The following OPCML variants were observed in gnomAD, a reference collection of about 807,000 sequenced individuals.
OPCML encodes the protein opioid-binding protein/cell adhesion molecule.
OPCML carries 13 observed loss-of-function variants against 37.8 expected under a neutral mutation model. The ratio of observed to expected loss-of-function variants is 0.34; its 90% CI spans 0.22 to 0.55. OPCML has a LOEUF of 0.55. OPCML is among the 20% of genes least tolerant of loss of function. OPCML has a pLI of 0.91. For missense variants in OPCML, 341 were observed against 435.6 expected (o/e 0.78, Z 1.93); for synonymous variants, 176 against 168.8 (o/e 1.04, Z -0.33).
intron 1 of OPCML, among the ~76,000 whole-genome samples, chr11:133,394,738 A>G (rs1330023355): frequency 1.3e-5 from 2 of 152,206 alleles, no homozygotes; most frequent in African/African-American, 2.4e-5. Flanking sequence ...TGACAGCTTC[A>G]TTGTGTATAT....
At chr11:133,224,787 C>T (rs1234936970) in intron 1 of OPCML, among the ~76,000 whole-genome samples, 1 of 152,248 alleles carries the variant, frequency 6.6e-6, no homozygotes, top group East Asian at 1.9e-4. Flanking sequence ...AATGGGGGTC[C>T]TACCAGTAAT....
chr11:133,003,783 A>C (rs1313256507), intron 1 of OPCML: 3 of 985,278 alleles, frequency 3.0e-6, no homozygotes, highest in Non-Finnish European at 3.6e-6. Flanking sequence ...GATTACCCAG[A>C]GTGTTCTTTG....
intron 1 of OPCML, chr11:133,003,669 CA>C: frequency 1.0e-6 from 1 of 985,296 alleles, no homozygotes; most frequent in Non-Finnish European, 1.2e-6. Context: ...AAAAAACAAA[CA>C]AAATACCCAG....
At chr11:132,869,169 G>A (rs1433517985) in intron 2 of OPCML, among the ~76,000 whole-genome samples, 1 of 152,162 alleles carries the variant, frequency 6.6e-6, no homozygotes, top group Admixed American at 6.5e-5. Context: ...ACCCCATGGG[G>A]CTAGCATGAA....
intron 4 of OPCML, among the ~76,000 whole-genome samples, chr11:132,479,416 C>A (rs530741820): frequency 7.2e-5 from 11 of 152,336 alleles, no homozygotes; most frequent in East Asian, 1.9e-4. Context: ...GCAGTCTGAG[C>A]TCAAACTGCA....
intron 2 of OPCML, among the ~76,000 whole-genome samples, chr11:132,811,209 C>T (rs936080446): frequency 6.6e-6 from 1 of 152,142 alleles, no homozygotes; most frequent in African/African-American, 2.4e-5. Flanking sequence ...CATTTCGTCT[C>T]TAGGTTGGGA....
chr11:133,234,276 C>G (rs1940418075), intron 1 of OPCML, among the ~76,000 whole-genome samples: 1 of 151,528 alleles, frequency 6.6e-6, no homozygotes, highest in Non-Finnish European at 1.5e-5. Context: ...AAAAAAAACA[C>G]AGTTTTTACT....
intron 1 of OPCML, among the ~76,000 whole-genome samples, chr11:133,436,831 G>A (rs1012009588): frequency 6.6e-6 from 1 of 152,178 alleles, no homozygotes; most frequent in African/African-American, 2.4e-5. Flanking sequence ...CCGCGTAACT[G>A]CAAAGACCTA....
intron 1 of OPCML, among the ~76,000 whole-genome samples, chr11:133,517,732 G>A (rs1243945825): frequency 2.6e-5 from 4 of 152,236 alleles, no homozygotes; most frequent in Non-Finnish European, 4.4e-5. Context: ...GCTGAATGGA[G>A]GGACACATCT....
chr11:132,813,089 T>C (rs1178466979), intron 2 of OPCML, among the ~76,000 whole-genome samples: 1 of 152,094 alleles, frequency 6.6e-6, no homozygotes, highest in African/African-American at 2.4e-5. Context: ...TTCAAATAGG[T>C]TCTCTTTTTT....
intron 2 of OPCML, among the ~76,000 whole-genome samples, chr11:132,902,170 G>T (rs1944087161): frequency 6.6e-6 from 1 of 152,142 alleles, no homozygotes; most frequent in African/African-American, 2.4e-5. Flanking sequence ...GATTATAGCT[G>T]GTTGGAGCTT....
chr11:133,529,373 C>T (rs1245313300), intron 1 of OPCML, among the ~76,000 whole-genome samples: 1 of 152,206 alleles, frequency 6.6e-6, no homozygotes, highest in Non-Finnish European at 1.5e-5. Flanking sequence ...GACTATCTCT[C>T]TCCTCCTACT....
intron 2 of OPCML, among the ~76,000 whole-genome samples, chr11:132,876,348 C>A (rs200958795): frequency 6.6e-6 from 1 of 152,132 alleles, no homozygotes; most frequent in Non-Finnish European, 1.5e-5. Flanking sequence ...GAGAGCAAAC[C>A]CTTTATGATC....
In OPCML at chr11:133,197,435, G is replaced by A. The variant is rs150227665; in HGVS notation, c.62-254425C>T. 2.4e-3 allele frequency among the ~76,000 whole-genome samples: 358 copies of A among 152,260 alleles called. 2 individuals are homozygous for A. Among genetic ancestry groups the A allele is most frequent in the Admixed American group, 4.4e-3 (68 of 15,294 alleles). On this transcript the variant is annotated intron_variant, in intron 1 of 7. Coordinates refer to ENST00000524381, the MANE Select transcript of OPCML (RefSeq NM_001012393.5). ...AGTCCTCTACCAAACTCAGCACATG[G>A]TGCCTGCCTAATAAACGTGACAATA...
At chr11:133,161,257 G>C (rs1422776839) in intron 1 of OPCML, among the ~76,000 whole-genome samples, 1 of 152,284 alleles carries the variant, frequency 6.6e-6, no homozygotes, top group East Asian at 1.9e-4. Context: ...ACAACATGTT[G>C]TAAAACAAAA....
intron 3 of OPCML, among the ~76,000 whole-genome samples, chr11:132,579,889 A>C (rs1487644404): frequency 6.6e-6 from 1 of 152,198 alleles, no homozygotes; most frequent in African/African-American, 2.4e-5. Context: ...CAATCCAAAA[A>C]TGAAAAGTGT....
At chr11:132,745,509 GCT>G (rs1238050155) in intron 2 of OPCML, among the ~76,000 whole-genome samples, 1 of 141,432 alleles carries the variant, frequency 7.1e-6, no homozygotes, top group East Asian at 2.1e-4. Context: ...CCTCTCCCTT[GCT>G]CTGTTTCCCT....
intron 3 of OPCML, among the ~76,000 whole-genome samples, chr11:132,620,360 T>G (rs77460983): frequency 6.6e-6 from 1 of 152,222 alleles, no homozygotes; most frequent in Non-Finnish European, 1.5e-5. Context: ...AGAAATTGGA[T>G]GGATTGGTAA....
intron 4 of OPCML, among the ~76,000 whole-genome samples, chr11:132,501,155 G>T (rs1247396077): frequency 1.3e-5 from 2 of 152,146 alleles, no homozygotes; most frequent in Non-Finnish European, 2.9e-5. Context: ...AACAAATGGT[G>T]CTGGGAAAAC....
Sources: gnomAD v4.1 joint callset for allele counts (sites outside exome capture counted in the v4.1 genomes callset) on GRCh38, gnomAD v4.1.1 for gene constraint, MANE v1.5 for transcripts, NCBI Gene and HGNC (gene_info 2026-07-23, HGNC 2026-07-21) for gene names.